ATAD2B: variants seen among roughly 807,000 people sequenced by gnomAD.
ATAD2B encodes the protein ATPase family AAA domain containing 2B, also known as ATPase family AAA domain-containing protein 2B.
Under a neutral mutation model 167.6 loss-of-function variants are expected in ATAD2B, and 40 were observed. That is an observed-to-expected ratio of 0.24 (90% confidence interval 0.19 to 0.31). The LOEUF (loss-of-function observed/expected upper bound fraction) is 0.31. Ranked by LOEUF, ATAD2B falls within the 10% of genes least tolerant of loss-of-function variation. ATAD2B has a pLI of 1.00. For missense variants in ATAD2B, 1,242 were observed against 1,757.2 expected (o/e 0.71, Z 5.24); for synonymous variants, 579 against 596.5 (o/e 0.97, Z 0.43).
At chr2:23,691,632 C>G in the ATAD2B span, 1 of 1,523,254 alleles carries the variant, frequency 6.6e-7, no homozygotes, top group Non-Finnish European at 8.9e-7. Flanking sequence ...GGCACGGTGG[C>G]CGCAGGGCAG....
At chr2:23,852,025 G>T (rs761219900) in intron 13 of ATAD2B, among the ~76,000 whole-genome samples, 5 of 152,016 alleles carry the variant, frequency 3.3e-5, no homozygotes, top group Non-Finnish European at 4.4e-5. Flanking sequence ...AGGAAAAAAT[G>T]TATGTAAATT....
At chr2:23,724,149 A>T in the ATAD2B span, among the ~76,000 whole-genome samples, 1 of 152,200 alleles carries the variant, frequency 6.6e-6, no homozygotes, top group Non-Finnish European at 1.5e-5. Flanking sequence ...GAATAGGGAG[A>T]GACTTGTTAA....
chr2:23,855,120 G>A (rs1455782273), intron 13 of ATAD2B, among the ~76,000 whole-genome samples: 2 of 151,920 alleles, frequency 1.3e-5, no homozygotes, highest in Admixed American at 6.6e-5. Context: ...CTTCAATGCG[G>A]GGTGCGGAGG....
chr2:23,731,838 T>C, the ATAD2B span, among the ~76,000 whole-genome samples: 1 of 152,120 alleles, frequency 6.6e-6, no homozygotes, highest in South Asian at 2.1e-4. Flanking sequence ...TAGCTGGGCA[T>C]TGGTGACATG....
chr2:23,868,742 C>T (rs1695507791), intron 9 of ATAD2B, among the ~76,000 whole-genome samples: 1 of 152,074 alleles, frequency 6.6e-6, no homozygotes. Context: ...CTCTATACTA[C>T]ATTATTTAAC....
the ATAD2B span, among the ~76,000 whole-genome samples, chr2:23,743,341 T>C: frequency 6.6e-6 from 1 of 151,802 alleles, no homozygotes; most frequent in African/African-American, 2.4e-5. Context: ...CCGAGGCAGG[T>C]GGATCATTTG....
chr2:23,871,947 G>C (rs184538971), intron 8 of ATAD2B, among the ~76,000 whole-genome samples: 1 of 152,124 alleles, frequency 6.6e-6, no homozygotes, highest in East Asian at 1.9e-4. Flanking sequence ...GCGCAATCTC[G>C]ACTCACTGCA....
At chr2:23,794,617 T>C (rs1450052968) in intron 19 of ATAD2B, among the ~76,000 whole-genome samples, 1 of 152,140 alleles carries the variant, frequency 6.6e-6, no homozygotes, top group Non-Finnish European at 1.5e-5. Flanking sequence ...CATTACTATA[T>C]GCATATTTAT....
intron 12 of ATAD2B, among the ~76,000 whole-genome samples, chr2:23,860,019 A>G (rs1694095407): frequency 6.6e-6 from 1 of 152,094 alleles, no homozygotes; most frequent in Non-Finnish European, 1.5e-5. Context: ...AAAAGTGTGT[A>G]GGTCTTGAGG....
chr2:23,730,516 A>C, the ATAD2B span, among the ~76,000 whole-genome samples: 1 of 151,684 alleles, frequency 6.6e-6, no homozygotes, highest in Non-Finnish European at 1.5e-5. Context: ...AATACAAAAA[A>C]TTAGCCGGGT....
chr2:23,771,964 A>T (rs1678390875), intron 22 of ATAD2B, among the ~76,000 whole-genome samples: 1 of 151,986 alleles, frequency 6.6e-6, no homozygotes. Context: ...AGTTCAGAGG[A>T]CCTCCAGAAT....
At chr2:23,899,208 G>A (rs111575445) in intron 1 of ATAD2B, among the ~76,000 whole-genome samples, 9,819 of 151,626 alleles carry the variant, frequency 0.065, 410 homozygotes, top group African/African-American at 0.12. Context: ...GCTACTCAGC[G>A]AGGGTGAGGT....
At chr2:23,776,791 T>A (rs1047582245) in intron 22 of ATAD2B, among the ~76,000 whole-genome samples, 1 of 152,226 alleles carries the variant, frequency 6.6e-6, no homozygotes, top group Non-Finnish European at 1.5e-5. Context: ...TCCCTTTATC[T>A]TAATAATATT....
the ATAD2B span, among the ~76,000 whole-genome samples, chr2:23,714,529 C>T: frequency 3.2e-4 from 48 of 150,754 alleles, no homozygotes; most frequent in East Asian, 4.0e-3. Context: ...TGTGAGCCAC[C>T]GCACCTGGCC....
At chr2:23,827,276 A>T (rs914979012) in intron 15 of ATAD2B, among the ~76,000 whole-genome samples, 1 of 152,168 alleles carries the variant, frequency 6.6e-6, no homozygotes, top group African/African-American at 2.4e-5. Context: ...TCCTGTAAGA[A>T]ATTATACCAT....
At chr2:23,737,439 T>C in the ATAD2B span, among the ~76,000 whole-genome samples, 1 of 151,840 alleles carries the variant, frequency 6.6e-6, no homozygotes, top group African/African-American at 2.4e-5. Context: ...GCAAACAGAG[T>C]CTGGAGTGGA....
In ATAD2B at chr2:23,832,457, A is replaced by G. The variant is rs1473161926; in HGVS notation, c.1728+1462T>C. 4 of 170,320 alleles carry G rather than the reference A, an allele frequency of 2.3e-5. No individual in the cohort carries two copies. The Admixed American group carries it at 2.6e-4, about 11-fold the overall frequency. The allele number at this position is 170,320 out of a possible 1,614,324, so 10.6% of individuals were successfully genotyped here. Reference sequence around the variant, plus strand: ...AGTAAGCCATGAGCCACATAATGCCATTTTATTTAAATTTTAAATTAACTA... The same window carrying G: ...AGTAAGCCATGAGCCACATAATGCCGTTTTATTTAAATTTTAAATTAACTA... On this transcript the variant is annotated intron_variant, in intron 14 of 27. Transcript: ENST00000238789.
chr2:23,788,432 G>A, intron 20 of ATAD2B, 80 bp downstream of exon 20: 1 of 1,464,888 alleles, frequency 6.8e-7, no homozygotes, highest in Non-Finnish European at 9.3e-7. Context: ...AAGAAGAAAG[G>A]GCTAAAATAA....
At chr2:23,827,812 G>C (rs1440601316) in intron 15 of ATAD2B, 1 of 152,648 alleles carries the variant, frequency 6.6e-6, no homozygotes, top group Admixed American at 6.5e-5. Flanking sequence ...AGATGTCGAG[G>C]TCTTTGTGGT....
Sources: allele counts gnomAD v4.1 joint callset (sites outside exome capture counted in the v4.1 genomes callset), GRCh38; gene constraint gnomAD v4.1.1; transcripts MANE v1.5; gene names NCBI Gene and HGNC (gene_info 2026-07-23, HGNC 2026-07-21).